Variants in HS6ST3 observed in about 807,000 individuals in gnomAD.
HS6ST3 encodes heparan-sulfate 6-O-sulfotransferase 3.
Under a neutral mutation model 36.7 loss-of-function variants are expected in HS6ST3, and 12 were observed. That is an observed-to-expected ratio of 0.33 (90% CI 0.21 to 0.53). The LOEUF (loss-of-function observed/expected upper bound fraction) is 0.53, where lower values mean the gene tolerates loss of function less well. Among genes scored for constraint, HS6ST3 ranks in the 20% least tolerant of loss-of-function variants. The pLI, the probability that HS6ST3 is intolerant of heterozygous loss-of-function variation, is 0.95. For synonymous variants in HS6ST3, 240 were observed against 257.5 expected (o/e 0.93, Z 0.65); for missense variants, 584 against 640.9 (o/e 0.91, Z 0.96).
chr13:96,093,152 C>A (rs2053773279), intron 1 of HS6ST3, among the ~76,000 whole-genome samples: 1 of 152,148 alleles, frequency 6.6e-6, no homozygotes, highest in South Asian at 2.1e-4. Flanking sequence ...TGCTTCCCAG[C>A]TTCCATTTCA....
chr13:96,681,434 A>G (rs1594834828), intron 1 of HS6ST3, among the ~76,000 whole-genome samples: 1 of 151,728 alleles, frequency 6.6e-6, no homozygotes, highest in African/African-American at 2.4e-5. Flanking sequence ...ACCATTTTCT[A>G]CCCTCCTGCT....
chr13:96,226,658 T>G (rs1395057487), intron 1 of HS6ST3, among the ~76,000 whole-genome samples: 4 of 152,226 alleles, frequency 2.6e-5, no homozygotes, highest in Non-Finnish European at 5.9e-5. Flanking sequence ...ACACATTCTG[T>G]GTTTCAATTT....
chr13:96,455,898 G>A (rs1015877915), intron 1 of HS6ST3, among the ~76,000 whole-genome samples: 7 of 152,166 alleles, frequency 4.6e-5, no homozygotes, highest in Non-Finnish European at 8.8e-5. Context: ...CAGGCCAGTG[G>A]AATTACTGTG....
chr13:96,514,248 G>A (rs556155479), intron 1 of HS6ST3, among the ~76,000 whole-genome samples: 8 of 152,278 alleles, frequency 5.3e-5, no homozygotes, highest in South Asian at 4.1e-4. Context: ...GAAGTAGAGC[G>A]AATGAGAATT....
chr13:96,451,473 T>G (rs1175986776), intron 1 of HS6ST3, among the ~76,000 whole-genome samples: 1 of 152,202 alleles, frequency 6.6e-6, no homozygotes, highest in Non-Finnish European at 1.5e-5. Flanking sequence ...GGTATTAATT[T>G]AATTCAGATG....
intron 1 of HS6ST3, among the ~76,000 whole-genome samples, chr13:96,105,791 C>T (rs2053838898): frequency 6.6e-6 from 1 of 152,026 alleles, no homozygotes; most frequent in African/African-American, 2.4e-5. Flanking sequence ...GTACATAGCC[C>T]AATACCAGAC....
At position 96,320,758 on chromosome 13, in the gene HS6ST3, C is replaced by T. The variant is rs539608641; in HGVS notation, c.707+229189C>T. 9.8e-5 allele frequency among the ~76,000 whole-genome samples: 15 copies of T among 152,306 alleles called. No individual in the cohort carries two copies. The South Asian group carries it at 1.9e-3, about 19-fold the overall frequency. ...GGGCTGGGCCCAGCATCCCCAGCGT[C>T]GGGGAAGATCAAGAATACTGGGGAC... On this transcript the variant is annotated intron_variant, in intron 1 of 1. Transcript: ENST00000376705.
chr13:96,259,546 A>G lies in HS6ST3; in HGVS notation c.707+167977A>G, dbSNP rs182907206. Among the ~76,000 whole-genome samples, 391 of 152,348 alleles carry G rather than the reference A, an allele frequency of 2.6e-3. 1 individual carries two copies. The highest frequency in any genetic ancestry group is 0.02 in the Middle Eastern group (6 of 294). ...CCCAGTTTGAGTTGACTCAGCAGCAATTCTTCAATATTTGAAGAGCCGTGG... is the reference window on the plus strand; with the variant it reads ...CCCAGTTTGAGTTGACTCAGCAGCAGTTCTTCAATATTTGAAGAGCCGTGG... On this transcript the variant is annotated intron_variant, in intron 1 of 1. Coordinates refer to ENST00000376705, the MANE Select transcript of HS6ST3 (RefSeq NM_153456.4).
Position 96,837,142 on chromosome 13 carries a change from A to G in HS6ST3, c.*3944A>G, listed in dbSNP as rs1878945874. 6.6e-6 allele frequency: 1 copy of G among 152,226 alleles called. No individual in the cohort carries two copies. The highest frequency in any genetic ancestry group is 1.5e-5 in the Non-Finnish European group (1 of 68,038). 9.4% of individuals were successfully genotyped at this position (152,226 alleles called of 1,614,324 possible). A position where few individuals can be genotyped will look rare whatever the true frequency, so the allele number is the denominator to read the frequency against. ...TTCTGTTATTAAAGAAACAATGTGAAATAATGTGGAAATTAATACTGATAA... is the reference window on the plus strand; with the variant it reads ...TTCTGTTATTAAAGAAACAATGTGAGATAATGTGGAAATTAATACTGATAA... On this transcript the variant is annotated 3_prime_UTR_variant, in exon 2 of 2. Transcript: ENST00000376705.
chr13:96,587,934 A>G (rs188518949), intron 1 of HS6ST3, among the ~76,000 whole-genome samples: 8 of 152,254 alleles, frequency 5.3e-5, no homozygotes, highest in South Asian at 2.1e-4. Flanking sequence ...TCTTTCATCA[A>G]TGTTTTACAG....
intron 1 of HS6ST3, among the ~76,000 whole-genome samples, chr13:96,328,136 T>C (rs1426723002): frequency 0.015 from 2,112 of 141,650 alleles, 27 homozygotes; most frequent in Non-Finnish European, 0.024. Flanking sequence ...ACAGGGACAA[T>C]TTGACTTCCT....
At chr13:96,647,456 T>C (rs1264455359) in intron 1 of HS6ST3, among the ~76,000 whole-genome samples, 1 of 151,892 alleles carries the variant, frequency 6.6e-6, no homozygotes, top group Non-Finnish European at 1.5e-5. Flanking sequence ...CCTAATGCCC[T>C]TTTTTTCAGT....
Position 96,716,710 on chromosome 13 carries a change from T to C in HS6ST3, c.708-115780T>C, listed in dbSNP as rs1170085971. ...CATCCATCTATATAATCTAGATATC[T>C]ATCTATCTAAATATATGCCTATCTC... is the stretch of plus-strand genomic sequence containing the variant. On this transcript the variant is annotated intron_variant, in intron 1 of 1. Coordinates refer to ENST00000376705, the MANE Select transcript of HS6ST3 (RefSeq NM_153456.4). Among the ~76,000 whole-genome samples, 3 of 152,228 alleles carry C rather than the reference T, an allele frequency of 2.0e-5. No homozygotes were observed. In the East Asian group the frequency reaches 5.8e-4, roughly 29 times the overall value.
intron 1 of HS6ST3, among the ~76,000 whole-genome samples, chr13:96,317,378 A>ATATATATAAAAT (rs1555297630): frequency 4.9e-5 from 5 of 101,326 alleles, no homozygotes; most frequent in African/African-American, 1.1e-4. Context: ...AAAATTATAT[A>ATATATATAAAAT]TATATATATA....
At chr13:96,138,967 A>G (rs938430633) in intron 1 of HS6ST3, among the ~76,000 whole-genome samples, 1 of 152,090 alleles carries the variant, frequency 6.6e-6, no homozygotes, top group Non-Finnish European at 1.5e-5. Flanking sequence ...ACTATTTTAT[A>G]TTTTCTAAAT....
chr13:96,709,535 G>A (rs546858574), intron 1 of HS6ST3, among the ~76,000 whole-genome samples: 3 of 152,078 alleles, frequency 2.0e-5, no homozygotes, highest in Non-Finnish European at 4.4e-5. Context: ...GACTTAGGCC[G>A]TGAAAGTGGA....
intron 1 of HS6ST3, among the ~76,000 whole-genome samples, chr13:96,657,419 G>T (rs569338268): frequency 7.2e-4 from 109 of 152,162 alleles, no homozygotes; most frequent in Non-Finnish European, 1.2e-3. Flanking sequence ...TACTTGGGAG[G>T]CTGAAGTGGG....
At chr13:96,185,434 G>A (rs562715949) in intron 1 of HS6ST3, among the ~76,000 whole-genome samples, 1 of 152,288 alleles carries the variant, frequency 6.6e-6, no homozygotes, top group East Asian at 1.9e-4. Context: ...AACGTCTAAT[G>A]AGTGGCAGGG....
At chr13:96,139,541 G>GCAAAAAAAAAAAAAAAAAA (rs371698480) in intron 1 of HS6ST3, among the ~76,000 whole-genome samples, 1 of 66,264 alleles carries the variant, frequency 1.5e-5, no homozygotes, top group African/African-American at 6.1e-5. Context: ...GTAAGATTCA[G>GCAAAAAAAAAAAAAAAAAA]AAAAAAAAAA....
Sources: allele counts gnomAD v4.1 joint callset (sites outside exome capture counted in the v4.1 genomes callset), GRCh38; gene constraint gnomAD v4.1.1; transcripts MANE v1.5; gene names NCBI Gene and HGNC (gene_info 2026-07-23, HGNC 2026-07-21).